The following PITPNC1 variants were observed in gnomAD, a reference collection of about 807,000 sequenced individuals.
PITPNC1 encodes the protein phosphatidylinositol transfer protein cytoplasmic 1, also known as cytoplasmic phosphatidylinositol transfer protein 1.
PITPNC1 carries 18 observed loss-of-function variants against 44.7 expected under a neutral mutation model. The observed-to-expected ratio is 0.40, with a 90% CI of 0.28 to 0.60. PITPNC1 has a LOEUF of 0.60. PITPNC1 is among the 20% of genes least tolerant of loss of function. The pLI is 0.39. For missense variants in PITPNC1, 290 were observed against 418.4 expected, an observed-to-expected ratio of 0.69 and a Z score of 2.68; for synonymous variants, 141 against 149.6, an observed-to-expected ratio of 0.94 and a Z score of 0.42.
intron 1 of PITPNC1, chr17:67,408,710 C>G (rs1443417000): frequency 7.0e-6 from 1 of 143,054 alleles, no homozygotes; most frequent in Non-Finnish European, 1.5e-5. Flanking sequence ...TCCTTCCTTC[C>G]TTCCTTCCTT....
rs140856652 is a variant in PITPNC1, at chr17:67,539,620, C to T, written c.197+6670C>T. Among the ~76,000 whole-genome samples, 34 of 152,208 alleles carry T rather than the reference C, an allele frequency of 2.2e-4. No homozygotes were observed. In the East Asian group the frequency reaches 5.2e-3, roughly 23 times the overall value. On this transcript the variant is annotated intron_variant, in intron 2 of 8. Transcript: ENST00000581322. ...TTGGGAGGCCGAGGCGGGTGGATCACGAGGTCAGGAGATCGAGACCATCCT... is the reference window on the plus strand; with the variant it reads ...TTGGGAGGCCGAGGCGGGTGGATCATGAGGTCAGGAGATCGAGACCATCCT...
At chr17:67,554,367 C>T (rs1376270126) in intron 4 of PITPNC1, among the ~76,000 whole-genome samples, 1 of 149,694 alleles carries the variant, frequency 6.7e-6, no homozygotes, top group Non-Finnish European at 1.5e-5. Flanking sequence ...AAGCAATTCT[C>T]CTGCCTCAGC....
chr17:67,393,404 C>A (rs1036286444), intron 1 of PITPNC1, among the ~76,000 whole-genome samples: 2 of 151,268 alleles, frequency 1.3e-5, no homozygotes, highest in Non-Finnish European at 2.9e-5. Flanking sequence ...GGTATCTGAT[C>A]AGGTTTTTTT....
At chr17:67,601,185 T>C (rs2041534680) in intron 5 of PITPNC1, among the ~76,000 whole-genome samples, 2 of 152,180 alleles carry the variant, frequency 1.3e-5, no homozygotes, top group South Asian at 4.1e-4. Flanking sequence ...CACATTGTCA[T>C]GAAACTGCAG....
chr17:67,460,867 C>A (rs940251880), intron 1 of PITPNC1, among the ~76,000 whole-genome samples: 4 of 150,038 alleles, frequency 2.7e-5, no homozygotes, highest in Non-Finnish European at 4.4e-5. Flanking sequence ...GCCTCAGCCT[C>A]AGTAGCTGGG....
chr17:67,555,523 AATC>A (rs2040824212), intron 4 of PITPNC1, among the ~76,000 whole-genome samples: 1 of 152,168 alleles, frequency 6.6e-6, no homozygotes, highest in Non-Finnish European at 1.5e-5. Context: ...GCAACTGCAT[AATC>A]ATCAAGAGGT....
chr17:67,683,414 C>T (rs1189183836), intron 8 of PITPNC1, among the ~76,000 whole-genome samples: 1 of 152,158 alleles, frequency 6.6e-6, no homozygotes, highest in Admixed American at 6.5e-5. Context: ...TACCAGCTAA[C>T]CTGAACAGGA....
intron 1 of PITPNC1, among the ~76,000 whole-genome samples, chr17:67,391,475 GTATTTATT>G (rs748381370): frequency 1.3e-5 from 2 of 151,872 alleles, no homozygotes; most frequent in Non-Finnish European, 2.9e-5. Flanking sequence ...ACTAGTTTAT[GTATTTATT>G]TATTTATTTA....
rs10526037 is a variant in PITPNC1 at position 67,442,204 on chromosome 17, C to CATATATATATAT, written c.48+64035_48+64046dup. On this transcript the variant is annotated intron_variant, in intron 1 of 8. Transcript: ENST00000581322. ...TGGAGCTGGATCAGGGGAAAATAAG[C>CATATATATATAT]ATATATATATATATATATATATATA... Among the ~76,000 whole-genome samples, 55 of 54,232 alleles carry CATATATATATAT rather than the reference C, an allele frequency of 1.0e-3. 1 individual carries two copies. Among genetic ancestry groups the CATATATATATAT allele is most frequent in the Non-Finnish European group, 1.3e-3 (34 of 25,872 alleles). 35.6% of individuals were successfully genotyped at this position (54,232 alleles called of 152,430 possible).
In PITPNC1 at chr17:67,659,428, G is replaced by C. The variant is rs532873528; in HGVS notation, c.463-10080G>C. 3.9e-5 allele frequency among the ~76,000 whole-genome samples: 6 copies of C among 152,290 alleles called. No homozygotes were observed. In the East Asian group the frequency reaches 1.2e-3, roughly 29 times the overall value. On this transcript the variant is annotated intron_variant, in intron 6 of 8. Transcript: ENST00000581322. ...ATGTTGCCACATGGTCTCACCACAT[G>C]GCTAGCTTGGGCCTCCTCATATCAT...
chr17:67,585,121 A>G (rs1282134493), intron 5 of PITPNC1, among the ~76,000 whole-genome samples: 7 of 151,018 alleles, frequency 4.6e-5, no homozygotes, highest in African/African-American at 1.5e-4. Flanking sequence ...CATCTCAGAA[A>G]AAAAAAAAAA....
At chr17:67,608,665 AG>A (rs2041647207) in intron 5 of PITPNC1, among the ~76,000 whole-genome samples, 2 of 122,260 alleles carry the variant, frequency 1.6e-5, no homozygotes. Flanking sequence ...TAGTTTTTCT[AG>A]TTTTTTTTTT....
chr17:67,429,652 C>T (rs1251506287), intron 1 of PITPNC1, among the ~76,000 whole-genome samples: 4 of 151,336 alleles, frequency 2.6e-5, no homozygotes, highest in African/African-American at 7.3e-5. Flanking sequence ...GAGCTGAGAT[C>T]GTGCCACTGC....
intron 1 of PITPNC1, among the ~76,000 whole-genome samples, chr17:67,451,810 G>A (rs1017393742): frequency 2.6e-5 from 4 of 151,908 alleles, no homozygotes; most frequent in African/African-American, 9.7e-5. Flanking sequence ...GCTAATTTTT[G>A]TATTTTTAGT....
At chr17:67,403,190 C>T (rs1042069759) in intron 1 of PITPNC1, among the ~76,000 whole-genome samples, 1 of 118,918 alleles carries the variant, frequency 8.4e-6, no homozygotes, top group Non-Finnish European at 1.6e-5. Flanking sequence ...GGAGACTAGC[C>T]TGGGCAACAC....
intron 5 of PITPNC1, among the ~76,000 whole-genome samples, chr17:67,601,084 A>G (rs1300719267): frequency 2.0e-5 from 3 of 152,156 alleles, no homozygotes; most frequent in Admixed American, 2.0e-4. Context: ...AGGTCACACA[A>G]CTGGGTGGTG....
chr17:67,411,926 G>C (rs1007581844), intron 1 of PITPNC1, among the ~76,000 whole-genome samples: 1 of 152,104 alleles, frequency 6.6e-6, no homozygotes, highest in African/African-American at 2.4e-5. Context: ...TTTGAACCCA[G>C]ATACTCTGGC....
intron 1 of PITPNC1, chr17:67,378,835 C>T (rs2037912235): frequency 7.1e-6 from 2 of 280,490 alleles, no homozygotes; most frequent in African/African-American, 4.6e-5. Flanking sequence ...TCTCTTGTTT[C>T]TTCCGCCGCG....
intron 6 of PITPNC1, among the ~76,000 whole-genome samples, chr17:67,651,479 C>G (rs2042209082): frequency 6.6e-6 from 1 of 151,828 alleles, no homozygotes; most frequent in African/African-American, 2.4e-5. Flanking sequence ...CACCATTGCT[C>G]TCTAGCCCAG....
Sources: allele counts gnomAD v4.1 joint callset (sites outside exome capture counted in the v4.1 genomes callset), GRCh38; gene constraint gnomAD v4.1.1; transcripts MANE v1.5; gene names NCBI Gene and HGNC (gene_info 2026-07-23, HGNC 2026-07-21).